Variants in SNURF observed in about 807,000 individuals in gnomAD.
SNURF encodes SNRPN upstream open reading frame.
A neutral mutation model predicts 11.6 loss-of-function variants in SNURF; 6 were observed. That is an observed-to-expected ratio of 0.52 (90% CI 0.28 to 1.02). The LOEUF is 1.02. Among genes scored for constraint, SNURF ranks in the 50% least tolerant of loss-of-function variants. The probability of loss-of-function intolerance (pLI) is 0.09; values close to 1 mark genes in which losing one functional copy is unlikely to be tolerated. For synonymous variants in SNURF, 29 were observed against 31.6 expected (o/e 0.92, Z 0.27); for missense variants, 84 against 88.4 (o/e 0.95, Z 0.20).
chr15:24,955,006 G>T (rs375357277), exon 1 of SNURF: 1 of 1,611,582 alleles, frequency 6.2e-7, no homozygotes. Context: ...AGCGGCCGCC[G>T]GAGATGCCTG....
downstream of SNURF, among the ~76,000 whole-genome samples, chr15:24,968,639 G>A (rs1179355150): frequency 6.6e-6 from 1 of 152,026 alleles, no homozygotes; most frequent in Non-Finnish European, 1.5e-5. Context: ...ATTCAAATAT[G>A]GTTTATGTCA....
downstream of SNURF, among the ~76,000 whole-genome samples, chr15:24,971,244 A>T (rs184243889): frequency 6.6e-6 from 1 of 152,202 alleles, no homozygotes; most frequent in Non-Finnish European, 1.5e-5. Context: ...CAGAAGATAC[A>T]CTATGACTGC....
intron 1 of SNURF, among the ~76,000 whole-genome samples, chr15:24,957,730 A>T (rs966083507): frequency 2.0e-5 from 3 of 152,086 alleles, no homozygotes; most frequent in African/African-American, 7.2e-5. Flanking sequence ...GATATTTATA[A>T]TTTACCCTTT....
chr15:24,956,664 T>C, intron 1 of SNURF, among the ~76,000 whole-genome samples: 1 of 152,196 alleles, frequency 6.6e-6, no homozygotes, highest in East Asian at 1.9e-4. Flanking sequence ...ACCTGGCTGA[T>C]ACAGCAGCTG....
At chr15:24,976,103 TAA>T (rs2077032350) in intron 4 of SNURF, among the ~76,000 whole-genome samples, 1 of 152,240 alleles carries the variant, frequency 6.6e-6, no homozygotes, top group African/African-American at 2.4e-5. Flanking sequence ...TGTAAAAGAC[TAA>T]AGTTAGATTA....
intron 3 of SNURF, chr15:24,975,211 T>C: frequency 1.5e-6 from 1 of 668,654 alleles, no homozygotes; most frequent in Non-Finnish European, 2.6e-6. Flanking sequence ...ATACTAAATA[T>C]GGAAGAATGT....
chr15:24,978,270 A>G (rs762574002), downstream of SNURF: 18 of 1,614,004 alleles, frequency 1.1e-5, no homozygotes, highest in Admixed American at 1.3e-4. Context: ...AGGGACGCCA[A>G]TAGGCATGCC....
chr15:24,955,409 C>A (rs1243038382), intron 1 of SNURF, among the ~76,000 whole-genome samples: 2 of 151,782 alleles, frequency 1.3e-5, no homozygotes, highest in African/African-American at 2.4e-5. Context: ...GTGGGTACAT[C>A]AGGGTGATTG....
intron 2 of SNURF, among the ~76,000 whole-genome samples, chr15:24,967,573 C>T (rs921420269): frequency 1.2e-4 from 18 of 151,246 alleles, no homozygotes; most frequent in Non-Finnish European, 1.9e-4. Context: ...ACCCAGGAGG[C>T]GGAGCTTGCA....
intron 1 of SNURF, among the ~76,000 whole-genome samples, chr15:24,960,968 A>G (rs1467312076): frequency 6.6e-6 from 1 of 151,228 alleles, no homozygotes; most frequent in Non-Finnish European, 1.5e-5. Flanking sequence ...CATTGTTTGG[A>G]TTTTCTTTTT....
chr15:24,969,775 C>A (rs1392299824), downstream of SNURF, among the ~76,000 whole-genome samples: 2 of 152,142 alleles, frequency 1.3e-5, no homozygotes, highest in Non-Finnish European at 2.9e-5. Flanking sequence ...AAATAGTACC[C>A]ATTACTAGTA....
intron 1 of SNURF, among the ~76,000 whole-genome samples, chr15:24,956,416 T>C (rs1245638915): frequency 1.3e-5 from 2 of 151,492 alleles, no homozygotes; most frequent in Admixed American, 1.3e-4. Context: ...TGGTGTGTGT[T>C]CAGCTTCTGC....
chr15:24,961,691 CTATATAAGTATGT>C (rs1183407662), intron 1 of SNURF, among the ~76,000 whole-genome samples: 1 of 152,050 alleles, frequency 6.6e-6, no homozygotes, highest in Non-Finnish European at 1.5e-5. Context: ...TTCTATTCCA[CTATATAAGTATGT>C]CTACTGTATC....
downstream of SNURF, chr15:24,978,353 A>G (rs1596355759): frequency 2.5e-6 from 4 of 1,614,006 alleles, no homozygotes; most frequent in Admixed American, 1.7e-5. Context: ...TGGTTCAGCC[A>G]GGCCCCTGAA....
At chr15:24,977,147 G>C in intron 6 of SNURF, 1 of 761,346 alleles carries the variant, frequency 1.3e-6, no homozygotes, top group East Asian at 3.2e-5. Context: ...TGGTTTAGGA[G>C]GAACCAAAAC....
At chr15:24,969,893 A>G (rs1566969010), downstream of SNURF, among the ~76,000 whole-genome samples, 3 of 152,208 alleles carry the variant, frequency 2.0e-5, no homozygotes, top group Non-Finnish European at 4.4e-5. Context: ...CTTTGGCCAC[A>G]TTGGTGCTAC....
chr15:24,962,239 C>A lies in SNURF; in HGVS notation c.110+30C>A, dbSNP rs775243777. 1.9e-6 allele frequency: 3 copies of A among 1,564,708 alleles called. No homozygotes were observed. The African/African-American group carries it at 4.1e-5, about 21-fold the overall frequency. ...GTACAGACTGTGTTGGGAACAAATG[C>A]AAGTCAGAATCTCCTTTCAGATTAG... On this transcript the variant is annotated intron_variant, in intron 2 of 2. Transcript: ENST00000577949.
At position 24,974,365 on chromosome 15, in the gene SNURF, T is replaced by C. The variant is rs705; in HGVS notation, c.*46-993T>C. 0.45 allele frequency: 546,713 copies of C among 1,221,690 alleles called. 128,195 individuals are homozygous for C. The highest frequency in any genetic ancestry group is 0.75 in the African/African-American group (50,565 of 67,162). The allele number at this position is 1,221,690 out of a possible 1,614,324, so 75.7% of individuals were successfully genotyped here. On this transcript the variant is annotated intron_variant and NMD_transcript_variant, in intron 3 of 6. Transcript: ENST00000580062. ...AGCTTGCATTGTTTCTAGGAGAACC[T>C]GCGTCATACCTTTATCTATAGCCTT... is the stretch of plus-strand genomic sequence containing the variant.
At chr15:24,969,883 C>T (rs571834137), downstream of SNURF, among the ~76,000 whole-genome samples, 2 of 152,154 alleles carry the variant, frequency 1.3e-5, no homozygotes, top group Non-Finnish European at 2.9e-5. Context: ...ATTATGTTAT[C>T]TTTGGCCACA....
Sources: allele counts gnomAD v4.1 joint callset (sites outside exome capture counted in the v4.1 genomes callset), GRCh38; gene constraint gnomAD v4.1.1; transcripts MANE v1.5; gene names NCBI Gene and HGNC (gene_info 2026-07-23, HGNC 2026-07-21).